BICC1: variants seen among roughly 807,000 people sequenced by gnomAD.
The protein encoded by BICC1 is protein bicaudal C homolog 1.
BICC1 carries 43 observed loss-of-function variants against 111.0 expected under a neutral mutation model. That is an observed-to-expected ratio of 0.39 (90% CI 0.30 to 0.50). The LOEUF (loss-of-function observed/expected upper bound fraction) is 0.50. BICC1 is among the 20% of genes least tolerant of loss of function. The probability of loss-of-function intolerance (pLI) is 0.88; values close to 1 mark genes in which losing one functional copy is unlikely to be tolerated. For synonymous variants in BICC1, 467 were observed against 434.4 expected (o/e 1.07, Z -0.93); for missense variants, 1,091 against 1,203.2 (o/e 0.91, Z 1.38).
intron 8 of BICC1, among the ~76,000 whole-genome samples, chr10:58,792,395 G>T (rs1843209478): frequency 6.6e-6 from 1 of 152,138 alleles, no homozygotes; most frequent in African/African-American, 2.4e-5. Flanking sequence ...ATGAGTTAAG[G>T]CAGGGGTCCT....
intron 1 of BICC1, among the ~76,000 whole-genome samples, chr10:58,607,359 G>C (rs560135333): frequency 4.3e-5 from 2 of 46,596 alleles, no homozygotes; most frequent in Admixed American, 5.1e-4. Context: ...TCATGCTACT[G>C]TTTTTTCTTT....
chr10:58,717,629 T>A (rs1840790051), intron 3 of BICC1, among the ~76,000 whole-genome samples: 1 of 152,226 alleles, frequency 6.6e-6, no homozygotes, highest in East Asian at 1.9e-4. Flanking sequence ...ATATGTAGGA[T>A]ATGGCTATAA....
chr10:58,686,265 T>C (rs1177495842), intron 2 of BICC1, among the ~76,000 whole-genome samples: 1 of 152,250 alleles, frequency 6.6e-6, no homozygotes, highest in African/African-American at 2.4e-5. Context: ...CCTTTGTGGG[T>C]AACCCGACCT....
chr10:58,520,270 C>T (rs562714627), intron 1 of BICC1, among the ~76,000 whole-genome samples: 20 of 152,076 alleles, frequency 1.3e-4, no homozygotes, highest in Admixed American at 9.2e-4. Context: ...AGGAATGAGG[C>T]GCAATTTTAT....
chr10:58,684,261 G>T (rs1347753746), intron 2 of BICC1, among the ~76,000 whole-genome samples: 1 of 152,162 alleles, frequency 6.6e-6, no homozygotes, highest in Non-Finnish European at 1.5e-5. Context: ...TTGATGTGCT[G>T]CTGGATTCAG....
At chr10:58,559,341 T>G (rs1259959057) in intron 1 of BICC1, among the ~76,000 whole-genome samples, 1 of 151,302 alleles carries the variant, frequency 6.6e-6, no homozygotes, top group African/African-American at 2.4e-5. Context: ...GCATTTGTGT[T>G]TTTTTTTTGG....
At chr10:58,682,371 G>C (rs1379025588) in intron 2 of BICC1, among the ~76,000 whole-genome samples, 1 of 151,712 alleles carries the variant, frequency 6.6e-6, no homozygotes, top group African/African-American at 2.4e-5. Context: ...ATATTCCTTT[G>C]GGTATATACC....
At chr10:58,715,533 C>T in intron 3 of BICC1, 2 of 1,419,584 alleles carry the variant, frequency 1.4e-6, no homozygotes, top group Non-Finnish European at 2.0e-6. Context: ...CGGCGTGCCA[C>T]TGTGTGCTCA....
At position 58,792,090 on chromosome 10, in the gene BICC1, C is replaced by T. The variant is rs546218362; in HGVS notation, c.1048-1394C>T. On this transcript the variant is annotated intron_variant, in intron 8 of 20. Transcript: ENST00000373886. ...TACAGGCATGAGCCATGGTTCCCGG[C>T]TTAGTAATTCATTTTAATCCTAGTG... 4.2e-4 allele frequency among the ~76,000 whole-genome samples: 64 copies of T among 152,248 alleles called. 1 individual carries two copies. The South Asian group carries it at 0.012, about 29-fold the overall frequency.
intron 15 of BICC1, among the ~76,000 whole-genome samples, chr10:58,804,783 G>A (rs1843659621): frequency 6.6e-6 from 1 of 152,108 alleles, no homozygotes. Flanking sequence ...TATGTTGTTA[G>A]TGAACAGTTG....
intron 2 of BICC1, among the ~76,000 whole-genome samples, chr10:58,658,602 C>T (rs2132279418): frequency 6.6e-6 from 1 of 152,062 alleles, no homozygotes; most frequent in South Asian, 2.1e-4. Flanking sequence ...TCTTTTATTC[C>T]CTGTTTATCA....
chr10:58,699,428 A>T (rs1344775847), intron 2 of BICC1, among the ~76,000 whole-genome samples: 1 of 152,242 alleles, frequency 6.6e-6, no homozygotes, highest in African/African-American at 2.4e-5. Flanking sequence ...TGTCATGGGC[A>T]TCTATTGGTG....
chr10:58,600,222 A>G (rs2132069241), intron 1 of BICC1, among the ~76,000 whole-genome samples: 1 of 152,008 alleles, frequency 6.6e-6, no homozygotes, highest in South Asian at 2.1e-4. Flanking sequence ...GTCACATAGC[A>G]CCCCGTTTTT....
intron 1 of BICC1, among the ~76,000 whole-genome samples, chr10:58,519,643 C>T (rs1164385806): frequency 4.6e-5 from 7 of 151,980 alleles, no homozygotes; most frequent in Non-Finnish European, 7.4e-5. Flanking sequence ...TCAGGCAGCC[C>T]CTGAACCAGA....
intron 3 of BICC1, among the ~76,000 whole-genome samples, chr10:58,710,669 T>A (rs539140856): frequency 6.6e-6 from 1 of 152,302 alleles, no homozygotes; most frequent in Non-Finnish European, 1.5e-5. Flanking sequence ...AAAATGAATT[T>A]GGAAGGAAAA....
chr10:58,597,807 T>C (rs1476616734), intron 1 of BICC1, among the ~76,000 whole-genome samples: 1 of 151,920 alleles, frequency 6.6e-6, no homozygotes, highest in Admixed American at 6.6e-5. Context: ...AGAAGAAAAA[T>C]ATGGCTCTTT....
At chr10:58,539,854 G>A (rs896702366) in intron 1 of BICC1, among the ~76,000 whole-genome samples, 1 of 151,834 alleles carries the variant, frequency 6.6e-6, no homozygotes, top group African/African-American at 2.4e-5. Flanking sequence ...TGCACTAGGA[G>A]CATTCTTCAG....
chr10:58,746,747 T>C (rs2132627269), intron 3 of BICC1, among the ~76,000 whole-genome samples: 1 of 152,232 alleles, frequency 6.6e-6, no homozygotes, highest in East Asian at 1.9e-4. Context: ...TGGGTGTTCA[T>C]CTACTGGCAT....
intron 3 of BICC1, among the ~76,000 whole-genome samples, chr10:58,734,586 A>G (rs761868889): frequency 2.6e-5 from 4 of 152,182 alleles, no homozygotes; most frequent in Admixed American, 1.3e-4. Flanking sequence ...TTCTTTGTCA[A>G]CATAATTTTG....
Sources: allele counts gnomAD v4.1 joint callset (sites outside exome capture counted in the v4.1 genomes callset), GRCh38; gene constraint gnomAD v4.1.1; transcripts MANE v1.5; gene names NCBI Gene and HGNC (gene_info 2026-07-23, HGNC 2026-07-21).